The following B3GALT1 variants were observed in gnomAD, a reference collection of about 807,000 sequenced individuals.
The protein encoded by B3GALT1 is beta-1,3-galactosyltransferase 1, also known as UDP-Gal:betaGlcNAc beta 1,3-galactosyltransferase, polypeptide 1.
B3GALT1 carries 10 observed loss-of-function variants against 23.2 expected under a neutral mutation model. The observed-to-expected ratio is 0.43, with a 90% CI of 0.27 to 0.73. The LOEUF is 0.73. Among genes scored for constraint, B3GALT1 ranks in the 30% least tolerant of loss-of-function variants. The pLI, the probability that B3GALT1 is intolerant of heterozygous loss-of-function variation, is 0.21. For missense variants in B3GALT1, 299 were observed against 405.4 expected (o/e 0.74, Z 2.25); for synonymous variants, 156 against 141.5 (o/e 1.10, Z -0.73).
At chr2:167,301,761 C>T (rs1696449821) in intron 1 of B3GALT1, among the ~76,000 whole-genome samples, 2 of 152,116 alleles carry the variant, frequency 1.3e-5, no homozygotes, top group South Asian at 4.1e-4. Context: ...GTTGGCCAGG[C>T]CAGTGACAAA....
chr2:167,806,640 C>A (rs1447405981), intron 3 of B3GALT1, among the ~76,000 whole-genome samples: 2 of 152,134 alleles, frequency 1.3e-5, no homozygotes, highest in East Asian at 3.8e-4. Flanking sequence ...ATATGTTGAA[C>A]CAGCCTTGCA....
chr2:167,318,219 C>T (rs1039355438), intron 1 of B3GALT1, among the ~76,000 whole-genome samples: 2 of 151,644 alleles, frequency 1.3e-5, no homozygotes, highest in African/African-American at 2.4e-5. Context: ...CCCAGCTACT[C>T]GGAGGCTGAG....
Position 167,713,698 on chromosome 2 carries a change from T to G in B3GALT1, c.-352+66732T>G, listed in dbSNP as rs1050435212. Reference sequence around the variant, plus strand: ...TTCTGGATGTTCAGTAGCAGGCTCCTTTGAAGGTGGAATCAACCCTCAAGG... The same window carrying G: ...TTCTGGATGTTCAGTAGCAGGCTCCGTTGAAGGTGGAATCAACCCTCAAGG... On this transcript the variant is annotated intron_variant, in intron 3 of 4. Transcript: ENST00000392690. The G allele has an allele frequency of 2.0e-6, 3 of 1,497,292 alleles. No individual in the cohort carries two copies. In the African/African-American group the frequency reaches 4.1e-5, roughly 21 times the overall value. The allele number at this position is 1,497,292 out of a possible 1,614,324, so 92.8% of individuals were successfully genotyped here. A position where few individuals can be genotyped will look rare whatever the true frequency, so the allele number is the denominator to read the frequency against.
intron 4 of B3GALT1, among the ~76,000 whole-genome samples, chr2:167,855,471 A>G (rs1156603939): frequency 2.0e-5 from 3 of 152,216 alleles, no homozygotes; most frequent in South Asian, 2.1e-4. Context: ...TGTATACATT[A>G]TTTGTAAAAC....
chr2:167,559,984 A>G (rs866776493), intron 2 of B3GALT1, among the ~76,000 whole-genome samples: 52 of 152,102 alleles, frequency 3.4e-4, no homozygotes, highest in Admixed American at 6.5e-5. Flanking sequence ...GAGAAGAGCA[A>G]CTCCAAGACA....
intron 3 of B3GALT1, chr2:167,715,134 C>T: frequency 6.2e-7 from 1 of 1,613,840 alleles, no homozygotes; most frequent in Non-Finnish European, 8.5e-7. Flanking sequence ...TTCAAAGCTC[C>T]TTTGGGAGGA....
intron 2 of B3GALT1, among the ~76,000 whole-genome samples, chr2:167,590,708 A>G (rs1170597398): frequency 6.6e-6 from 1 of 152,222 alleles, no homozygotes; most frequent in African/African-American, 2.4e-5. Context: ...CTACTTTAAA[A>G]ATCCATGTTT....
intron 4 of B3GALT1, among the ~76,000 whole-genome samples, chr2:167,838,959 C>A (rs1325137802): frequency 2.6e-5 from 4 of 152,198 alleles, no homozygotes; most frequent in Non-Finnish European, 4.4e-5. Flanking sequence ...CAGAAAATGC[C>A]TTTGACAAAA....
At chr2:167,508,007 T>C (rs978856306) in intron 2 of B3GALT1, among the ~76,000 whole-genome samples, 1 of 152,108 alleles carries the variant, frequency 6.6e-6, no homozygotes, top group African/African-American at 2.4e-5. Context: ...CCGACTTCTC[T>C]TTGTGTCCTC....
At chr2:167,616,042 A>C (rs756156855) in intron 2 of B3GALT1, among the ~76,000 whole-genome samples, 1 of 150,348 alleles carries the variant, frequency 6.7e-6, no homozygotes. Flanking sequence ...ATAAGCGTTC[A>C]GTAGAATAAC....
intron 2 of B3GALT1, among the ~76,000 whole-genome samples, chr2:167,617,855 C>T (rs935643099): frequency 6.6e-6 from 1 of 152,052 alleles, no homozygotes; most frequent in South Asian, 2.1e-4. Flanking sequence ...CTCTTTAATG[C>T]ACTGTCTCCC....
intron 3 of B3GALT1, among the ~76,000 whole-genome samples, chr2:167,807,521 T>C (rs1343503802): frequency 6.6e-6 from 1 of 152,022 alleles, no homozygotes; most frequent in East Asian, 1.9e-4. Context: ...TGTGTCTTTG[T>C]TCTCGTTGGT....
intron 2 of B3GALT1, among the ~76,000 whole-genome samples, chr2:167,557,961 C>A (rs1683883515): frequency 6.6e-6 from 1 of 152,170 alleles, no homozygotes; most frequent in Non-Finnish European, 1.5e-5. Flanking sequence ...AAAGCCCAGC[C>A]CACAATGCAT....
chr2:167,299,071 C>T (rs1696404542), intron 1 of B3GALT1, among the ~76,000 whole-genome samples: 1 of 152,122 alleles, frequency 6.6e-6, no homozygotes, highest in African/African-American at 2.4e-5. Flanking sequence ...TAATTTGAAA[C>T]AGAAGAGATG....
At chr2:167,394,006 C>T (rs144387745) in intron 1 of B3GALT1, among the ~76,000 whole-genome samples, 106 of 152,268 alleles carry the variant, frequency 7.0e-4, no homozygotes, top group African/African-American at 2.4e-3. Context: ...ATTGCAGAAA[C>T]GTCTCAATTT....
intron 2 of B3GALT1, among the ~76,000 whole-genome samples, chr2:167,523,588 G>A (rs1558892264): frequency 6.6e-6 from 1 of 152,072 alleles, no homozygotes; most frequent in Non-Finnish European, 1.5e-5. Flanking sequence ...ACCATGCCCA[G>A]CTAATTTTGT....
intron 3 of B3GALT1, among the ~76,000 whole-genome samples, chr2:167,672,704 C>T (rs577106734): frequency 7.9e-5 from 12 of 152,182 alleles, no homozygotes; most frequent in African/African-American, 2.9e-4. Context: ...TAATTGAATA[C>T]TTGTAAAGCA....
At chr2:167,386,961 G>A (rs1157578450) in intron 1 of B3GALT1, among the ~76,000 whole-genome samples, 1 of 152,066 alleles carries the variant, frequency 6.6e-6, no homozygotes, top group East Asian at 1.9e-4. Flanking sequence ...GTGACTCCTT[G>A]GTTGCTTTAG....
intron 3 of B3GALT1, chr2:167,715,437 CT>C: frequency 6.2e-7 from 1 of 1,608,280 alleles, no homozygotes; most frequent in Non-Finnish European, 8.5e-7. Flanking sequence ...CTCAAAGCAT[CT>C]TTTATTGCTA....
Sources: allele counts gnomAD v4.1 joint callset (sites outside exome capture counted in the v4.1 genomes callset), GRCh38; gene constraint gnomAD v4.1.1; transcripts MANE v1.5; gene names NCBI Gene and HGNC (gene_info 2026-07-23, HGNC 2026-07-21).